The following SOX5 variants were observed in gnomAD, a reference collection of about 807,000 sequenced individuals.
SOX5 encodes the protein transcription factor SOX-5.
A neutral mutation model predicts 92.0 loss-of-function variants in SOX5; 9 were observed. The ratio of observed to expected loss-of-function variants is 0.10; its 90% CI spans 0.06 to 0.17. The LOEUF is 0.17. Among genes scored for constraint, SOX5 ranks in the 10% least tolerant of loss-of-function variants. The pLI is 1.00. For missense variants in SOX5, 642 were observed against 944.5 expected, an observed-to-expected ratio of 0.68 and a Z score of 4.20; for synonymous variants, 344 against 336.3, an observed-to-expected ratio of 1.02 and a Z score of -0.25.
At chr12:23,571,079 T>C (rs1333981419) in intron 10 of SOX5, among the ~76,000 whole-genome samples, 1 of 144,838 alleles carries the variant, frequency 6.9e-6, no homozygotes, top group African/African-American at 2.6e-5. Flanking sequence ...GAGGTGGAGG[T>C]TGCAGTGAGC....
chr12:23,741,104 T>C, intron 4 of SOX5, 65 bp from the exon 5 acceptor site: 2 of 1,318,858 alleles, frequency 1.5e-6, no homozygotes. Flanking sequence ...TCAATGAAAA[T>C]GGCTCTGTTG....
At chr12:24,000,867 A>G (rs1951533150) in intron 4 of SOX5, among the ~76,000 whole-genome samples, 1 of 152,192 alleles carries the variant, frequency 6.6e-6, no homozygotes, top group Admixed American at 6.5e-5. Flanking sequence ...TATATCGTGC[A>G]TACAGAAATC....
At chr12:23,814,661 G>T (rs1220929100) in intron 3 of SOX5, among the ~76,000 whole-genome samples, 3 of 152,158 alleles carry the variant, frequency 2.0e-5, no homozygotes, top group African/African-American at 7.2e-5. Flanking sequence ...TAAGATAACA[G>T]TCCCACATTT....
intron 4 of SOX5, among the ~76,000 whole-genome samples, chr12:23,969,959 C>A (rs1406266083): frequency 6.6e-6 from 1 of 152,116 alleles, no homozygotes; most frequent in Non-Finnish European, 1.5e-5. Context: ...AGTTACTTTC[C>A]AACAAGAAGG....
chr12:23,952,543 G>A (rs181144710), upstream of SOX5, among the ~76,000 whole-genome samples: 539 of 152,294 alleles, frequency 3.5e-3, 2 homozygotes, highest in Admixed American at 6.9e-3. Flanking sequence ...ATATAGAAGA[G>A]AATGTTAAAT....
chr12:23,926,952 T>G (rs1008975674), intron 1 of SOX5, among the ~76,000 whole-genome samples: 1 of 152,098 alleles, frequency 6.6e-6, no homozygotes, highest in African/African-American at 2.4e-5. Context: ...TTTTGTTGTA[T>G]GCCAGAAAGG....
chr12:23,586,018 A>C (rs1325226590), intron 9 of SOX5, among the ~76,000 whole-genome samples: 1 of 151,942 alleles, frequency 6.6e-6, no homozygotes, highest in African/African-American at 2.4e-5. Context: ...TATAAAATGG[A>C]CCACATCTCT....
At position 24,064,017 on chromosome 12, in the gene SOX5, T is replaced by G. The variant is rs79384534; in HGVS notation, c.-2+149326A>C. On this transcript the variant is annotated intron_variant, in intron 4 of 4. Transcript: ENST00000446891. ...ATAAAATGGTAGGGAGAGGTCTATG[T>G]TGTAAGTAAACTGTAAGATCCTTAA... 6.0e-3 allele frequency among the ~76,000 whole-genome samples: 916 copies of G among 152,300 alleles called. 10 individuals are homozygous for G. Among genetic ancestry groups the G allele is most frequent in the South Asian group, 0.033 (161 of 4,824 alleles).
At chr12:23,722,361 G>C (rs770639271) in intron 6 of SOX5, among the ~76,000 whole-genome samples, 1 of 152,102 alleles carries the variant, frequency 6.6e-6, no homozygotes, top group Non-Finnish European at 1.5e-5. Flanking sequence ...AGGGAAGAGG[G>C]GGAGGTGAAT....
intron 2 of SOX5, among the ~76,000 whole-genome samples, chr12:24,316,995 T>C (rs1361303781): frequency 6.6e-6 from 1 of 152,158 alleles, no homozygotes; most frequent in African/African-American, 2.4e-5. Flanking sequence ...TCTCTAATTC[T>C]AGGCAACCAG....
chr12:23,696,054 T>C (rs1203078114), intron 6 of SOX5, among the ~76,000 whole-genome samples: 1 of 151,870 alleles, frequency 6.6e-6, no homozygotes, highest in Non-Finnish European at 1.5e-5. Flanking sequence ...TGGACTTAGT[T>C]TGCTAACATT....
intron 1 of SOX5, among the ~76,000 whole-genome samples, chr12:24,407,144 A>T (rs1963151476): frequency 6.6e-6 from 1 of 152,170 alleles, no homozygotes; most frequent in Non-Finnish European, 1.5e-5. Context: ...CTGGGCCTGC[A>T]GCAGTGATAG....
intron 3 of SOX5, among the ~76,000 whole-genome samples, chr12:24,275,472 A>G (rs1025197451): frequency 6.6e-6 from 1 of 152,040 alleles, no homozygotes; most frequent in Non-Finnish European, 1.5e-5. Flanking sequence ...ATTCTTTAGA[A>G]AAGAATTTTA....
intron 1 of SOX5, among the ~76,000 whole-genome samples, chr12:24,556,422 C>T (rs1371586266): frequency 3.9e-5 from 6 of 152,174 alleles, no homozygotes; most frequent in East Asian, 1.9e-4. Context: ...TCTCCTTGCA[C>T]CCAATTTAAA....
intron 4 of SOX5, among the ~76,000 whole-genome samples, chr12:23,750,468 C>T (rs769495160): frequency 6.6e-6 from 1 of 151,838 alleles, no homozygotes; most frequent in African/African-American, 2.4e-5. Flanking sequence ...CTACACCATG[C>T]TTTCCTAGTA....
At chr12:24,245,235 T>TGTGTG (rs1938418089) in intron 3 of SOX5, among the ~76,000 whole-genome samples, 3 of 144,274 alleles carry the variant, frequency 2.1e-5, no homozygotes, top group African/African-American at 7.9e-5. Flanking sequence ...TTGGAGAGAT[T>TGTGTG]TGTGTGTGTG....
intron 2 of SOX5, among the ~76,000 whole-genome samples, chr12:23,858,095 G>A (rs1203526658): frequency 6.6e-6 from 1 of 151,578 alleles, no homozygotes; most frequent in Non-Finnish European, 1.5e-5. Context: ...GTGTGTATAT[G>A]CAAGGCAGGT....
At chr12:23,958,921 C>T (rs1946580974) in intron 4 of SOX5, among the ~76,000 whole-genome samples, 1 of 151,590 alleles carries the variant, frequency 6.6e-6, no homozygotes, top group South Asian at 2.1e-4. Context: ...TATGATAACA[C>T]CTAGTCATTA....
chr12:24,401,709 A>T (rs145881601), intron 1 of SOX5, among the ~76,000 whole-genome samples: 42 of 54,164 alleles, frequency 7.8e-4, no homozygotes, highest in South Asian at 1.7e-3. Flanking sequence ...CCCTATCTTT[A>T]AAAAAAAAAA....
Sources: gnomAD v4.1 joint callset for allele counts (sites outside exome capture counted in the v4.1 genomes callset) on GRCh38, gnomAD v4.1.1 for gene constraint, MANE v1.5 for transcripts, NCBI Gene and HGNC (gene_info 2026-07-23, HGNC 2026-07-21) for gene names.